PPP2R3B: variants seen among roughly 807,000 people sequenced by gnomAD.
PPP2R3B encodes protein phosphatase 2 regulatory subunit B''beta, also known as serine/threonine-protein phosphatase 2A regulatory subunit B'' subunit beta.
In PPP2R3B, 68 loss-of-function variants were observed where a neutral mutation model predicts 72.9. The ratio of observed to expected loss-of-function variants is 0.93; its 90% CI spans 0.77 to 1.14. The LOEUF (loss-of-function observed/expected upper bound fraction) is 1.14. Ranked by LOEUF, PPP2R3B falls within the 50% of genes most tolerant of loss-of-function variation. The pLI is 0.00. For synonymous variants in PPP2R3B, 466 were observed against 375.8 expected (o/e 1.24, Z -2.78); for missense variants, 1,018 against 842.0 (o/e 1.21, Z -2.59).
At chrX:355,061 G>T (rs1471930093) in intron 2 of PPP2R3B, among the ~76,000 whole-genome samples, 1 of 152,224 alleles carries the variant, frequency 6.6e-6, no homozygotes, top group African/African-American at 2.4e-5. Context: ...CAGACGAGAA[G>T]AGAAAGGCTG....
rs373778587 is a variant in PPP2R3B, at chrX:348,637, A to G, written c.511-944T>C. 2.6e-5 allele frequency among the ~76,000 whole-genome samples: 4 copies of G among 152,212 alleles called. No homozygotes were observed. The East Asian group carries it at 5.8e-4, about 22-fold the overall frequency. The stretch of plus-strand genomic sequence containing the variant: ...TAACTACAGATCCTACAAACATCAG[A>G]TAGTGGATGCTCATGAATCACTTTA... On this transcript the variant is annotated intron_variant, in intron 2 of 12. Coordinates refer to ENST00000390665, the MANE Select transcript of PPP2R3B (RefSeq NM_013239.5).
intron 6 of PPP2R3B, 63 bp downstream of exon 6, chrX:346,111 G>A: frequency 1.1e-6 from 1 of 901,428 alleles, no homozygotes. Flanking sequence ...GGGAAGGGAA[G>A]GGAGTGGAGG....
At chrX:364,677 C>T (rs77815506) in intron 1 of PPP2R3B, among the ~76,000 whole-genome samples, 13,953 of 62,126 alleles carry the variant, frequency 0.22, 1,337 homozygotes, top group African/African-American at 0.38. Flanking sequence ...GAGATCGCAC[C>T]ACTGCACTCC....
At chrX:375,812 C>CACCAGGTGACACACGCCCTGTCCT (rs1260899441) in intron 1 of PPP2R3B, among the ~76,000 whole-genome samples, 10 of 152,296 alleles carry the variant, frequency 6.6e-5, no homozygotes, top group African/African-American at 2.4e-4. Flanking sequence ...TGTCCTGCCA[C>CACCAGGTGACACACGCCCTGTCCT]GCCAGGTGAC....
chrX:378,701 C>A (rs1164028212), intron 1 of PPP2R3B, among the ~76,000 whole-genome samples: 1 of 152,014 alleles, frequency 6.6e-6, no homozygotes, highest in East Asian at 1.9e-4. Flanking sequence ...AGGGATGAAG[C>A]TCTTTACACA....
chrX:371,781 AAGC>A (rs1183249215), intron 1 of PPP2R3B, among the ~76,000 whole-genome samples: 4 of 152,020 alleles, frequency 2.6e-5, no homozygotes, highest in Non-Finnish European at 5.9e-5. Flanking sequence ...CGCGGAGTGA[AAGC>A]AGCCAGGAAA....
At chrX:345,437 C>CAGCTGCAG (rs1490849065) in intron 7 of PPP2R3B, 79 bp downstream of exon 7, 1 of 1,576,646 alleles carries the variant, frequency 6.3e-7, no homozygotes, top group Non-Finnish European at 8.7e-7. Context: ...GAAGGAGAGG[C>CAGCTGCAG]AGCTGCAGAC....
In PPP2R3B at chrX:361,338, C is replaced by CGGA. The variant is rs1380763036; in HGVS notation, c.510+66_510+67insTCC. ...GTGTGACACGCACCCACCACGGCCGCTCCGCCTCACCCTCACATGCCCGCA... is the reference window on the plus strand; with the variant it reads ...GTGTGACACGCACCCACCACGGCCGCGGATCCGCCTCACCCTCACATGCCCGCA... On this transcript the variant is annotated intron_variant, in intron 2 of 12. Coordinates refer to ENST00000390665, the MANE Select transcript of PPP2R3B (RefSeq NM_013239.5). The CGGA allele has an allele frequency of 3.8e-6, 6 of 1,580,760 alleles. No individual in the cohort carries two copies. The African/African-American group carries it at 8.1e-5, about 21-fold the overall frequency.
intron 1 of PPP2R3B, among the ~76,000 whole-genome samples, chrX:369,264 C>G (rs1317339131): frequency 6.6e-6 from 1 of 152,304 alleles, no homozygotes; most frequent in East Asian, 1.9e-4. Flanking sequence ...TTCAGACAAA[C>G]CAGAGGGGCC....
intron 1 of PPP2R3B, among the ~76,000 whole-genome samples, chrX:380,578 G>A (rs2124413177): frequency 6.6e-6 from 1 of 152,150 alleles, no homozygotes; most frequent in African/African-American, 2.4e-5. Context: ...CTGAGGTCAG[G>A]AGTTCAAGAC....
intron 8 of PPP2R3B, 166 bp downstream of exon 8, chrX:341,717 C>T (rs1378541644): frequency 1.3e-6 from 1 of 797,148 alleles, no homozygotes; most frequent in South Asian, 1.5e-5. Flanking sequence ...CCACCCCCCC[C>T]CACTAGGGAT....
chrX:378,315 A>C (rs995708866), intron 1 of PPP2R3B, among the ~76,000 whole-genome samples: 1 of 152,202 alleles, frequency 6.6e-6, no homozygotes, highest in African/African-American at 2.4e-5. Flanking sequence ...AATTTTCATA[A>C]AAATCTCTTC....
Position 386,507 on chromosome X carries a change from G to C in PPP2R3B, c.185C>G (p.Pro62Arg). The change falls in exon 1 of 13, where the codon CCG (proline) becomes CGG (arginine). Residue 62 changes from proline to arginine, a missense_variant. By Grantham distance (103) the Pro-to-Arg change is moderately radical. Coordinates refer to ENST00000390665, the MANE Select transcript of PPP2R3B (RefSeq NM_013239.5). ...GEQPGAWPTA[P>R]LAAPRPSGLE... Reference sequence around the variant, plus strand: ...CCCGCTGGGCCGGGGGGCGGCGAGCGGGGCTGTGGGCCAGGCCCCGGGCTG... The same window carrying C: ...CCCGCTGGGCCGGGGGGCGGCGAGCCGGGCTGTGGGCCAGGCCCCGGGCTG... The C allele has an allele frequency of 7.6e-7, 1 of 1,308,990 alleles. No individual in the cohort carries two copies. The highest frequency in any genetic ancestry group is 9.7e-7 in the Non-Finnish European group (1 of 1,029,096). The allele number at this position is 1,308,990 out of a possible 1,614,324, so 81.1% of individuals were successfully genotyped here.
intron 2 of PPP2R3B, among the ~76,000 whole-genome samples, chrX:349,785 C>G (rs2071290659): frequency 6.6e-6 from 1 of 152,144 alleles, no homozygotes; most frequent in African/African-American, 2.4e-5. Flanking sequence ...AAAAATGGAA[C>G]AAAAATCACA....
intron 1 of PPP2R3B, among the ~76,000 whole-genome samples, chrX:372,216 C>T (rs1336058318): frequency 2.0e-5 from 3 of 152,232 alleles, no homozygotes; most frequent in East Asian, 1.9e-4. Flanking sequence ...ACACCAGCCT[C>T]GCCCTTACCC....
rs779337852 is a variant in PPP2R3B at position 345,619 on chromosome X, G to A, written c.933C>T (p.Phe311=). Residue 311 remains phenylalanine (F), a synonymous_variant, in exon 7 of 13, where the codon TTC becomes TTT. Coordinates refer to ENST00000390665, the MANE Select transcript of PPP2R3B (RefSeq NM_013239.5). The part of the protein sequence containing the change: ...EADINQLTEF[F]SYEHFYVIYC... Reference sequence around the variant, plus strand: ...AGATGACGTAGAAATGCTCGTACGAGAAGAATTCGGTCAGCTGGTTGATGT... The same window carrying A: ...AGATGACGTAGAAATGCTCGTACGAAAAGAATTCGGTCAGCTGGTTGATGT... 5.0e-6 allele frequency: 8 copies of A among 1,613,256 alleles called. No individual in the cohort carries two copies. The East Asian group carries it at 1.8e-4, about 36-fold the overall frequency.
intron 7 of PPP2R3B, 62 bp from the exon 8 acceptor site, chrX:341,993 C>G: frequency 2.5e-6 from 4 of 1,594,646 alleles, no homozygotes; most frequent in Non-Finnish European, 3.4e-6. Flanking sequence ...GTCACCACCC[C>G]CCGGAGCCGA....
intron 2 of PPP2R3B, among the ~76,000 whole-genome samples, chrX:355,820 G>A (rs1162059799): frequency 2.6e-5 from 4 of 152,244 alleles, no homozygotes; most frequent in African/African-American, 4.8e-5. Context: ...ATGAGGGCAG[G>A]TGCGCGTCAG....
rs2071218754 is a variant in PPP2R3B at position 346,556 on chromosome X, A to G, written c.792+145T>C. The G allele has an allele frequency of 5.1e-6, 4 of 785,658 alleles. No homozygotes were observed. The East Asian group carries it at 8.3e-5, about 16-fold the overall frequency. The allele number at this position is 785,658 out of a possible 1,614,324, so 48.7% of individuals were successfully genotyped here. A position where few individuals can be genotyped will look rare whatever the true frequency, so the allele number is the denominator to read the frequency against. ...CAACACCGGGCTCCCGGGCGGGTGG[A>G]GACTCTCCCAGAGCGCGGCCGCCTC... On this transcript the variant is annotated intron_variant, in intron 5 of 12. Transcript: ENST00000390665.
Sources: allele counts gnomAD v4.1 joint callset (sites outside exome capture counted in the v4.1 genomes callset), GRCh38; gene constraint gnomAD v4.1.1; transcripts MANE v1.5; gene names NCBI Gene and HGNC (gene_info 2026-07-23, HGNC 2026-07-21).